Variants in HEATR5A observed in about 807,000 individuals in gnomAD.
HEATR5A encodes the protein HEAT repeat-containing protein 5A.
In HEATR5A, 178 loss-of-function variants were observed where a neutral mutation model predicts 218.8. The observed-to-expected ratio is 0.81, with a 90% CI of 0.72 to 0.92. The LOEUF is 0.92. Among genes scored for constraint, HEATR5A ranks in the 40% least tolerant of loss-of-function variants. The probability of loss-of-function intolerance (pLI) is 0.00; values close to 1 mark genes in which losing one functional copy is unlikely to be tolerated. For missense variants in HEATR5A, 2,420 were observed against 2,418.9 expected, an observed-to-expected ratio of 1.00 and a Z score of -0.01; for synonymous variants, 864 against 871.6, an observed-to-expected ratio of 0.99 and a Z score of 0.15.
intron 28 of HEATR5A, among the ~76,000 whole-genome samples, chr14:31,311,877 A>G (rs1899766902): frequency 6.6e-6 from 1 of 152,178 alleles, no homozygotes; most frequent in African/African-American, 2.4e-5. Context: ...TTATATCCTA[A>G]TGTGATCTGT....
chr14:31,373,870 G>A (rs1902128319), intron 12 of HEATR5A, among the ~76,000 whole-genome samples: 1 of 152,070 alleles, frequency 6.6e-6, no homozygotes, highest in South Asian at 2.1e-4. Context: ...ACATAAAGAT[G>A]ATGAGGATGA....
intron 1 of HEATR5A, among the ~76,000 whole-genome samples, chr14:31,416,213 G>C (rs539485878): frequency 5.5e-4 from 83 of 152,154 alleles, no homozygotes; most frequent in Middle Eastern, 3.4e-3. Flanking sequence ...CACCTCTCGA[G>C]TTTAAGCAAT....
chr14:31,335,232 T>A (rs1463101168), intron 22 of HEATR5A, among the ~76,000 whole-genome samples: 1 of 152,162 alleles, frequency 6.6e-6, no homozygotes, highest in Non-Finnish European at 1.5e-5. Context: ...AACAAAAAAA[T>A]TCCTGACTTG....
At position 31,349,917 on chromosome 14, in the gene HEATR5A, TA is replaced by T; in HGVS notation, c.2579del (p.Leu860Ter). The T allele has an allele frequency of 1.2e-6, 2 of 1,610,902 alleles. No individual in the cohort carries two copies. Among genetic ancestry groups the T allele is most frequent in the Non-Finnish European group, 8.5e-7 (1 of 1,178,336 alleles). ...TGGGGCTTTCTAGGGCTCCCATAAC[TA>T]ATGTTAAGGCAAATCTTTTCATTTC... Reference protein sequence around the residue: ...PEEMKRFALTLVMGALESPNP... With the variant: ...PEEMKRFALTXVMGALESPNP... On this transcript the variant is annotated frameshift_variant, in exon 18 of 36. Coordinates refer to ENST00000543095, the MANE Select transcript of HEATR5A (RefSeq NM_015473.4). LOFTEE classifies it high-confidence loss of function.
At chr14:31,337,333 T>C (rs1595112104) in intron 22 of HEATR5A, 143 bp downstream of exon 22, 1 of 674,620 alleles carries the variant, frequency 1.5e-6, no homozygotes, top group South Asian at 2.3e-5. Context: ...ACATCACTGG[T>C]TGGAATAACT....
At chr14:31,311,513 G>T (rs1899751771) in intron 28 of HEATR5A, among the ~76,000 whole-genome samples, 1 of 151,932 alleles carries the variant, frequency 6.6e-6, no homozygotes, top group South Asian at 2.1e-4. Flanking sequence ...CTGGGCTCAT[G>T]AGATCTTCCC....
In HEATR5A at chr14:31,349,986, T is replaced by TA. The variant is rs1901164876; in HGVS notation, c.2518-8dup. 6.5e-7 allele frequency: 1 copy of TA among 1,540,784 alleles called. No homozygotes were observed. Among genetic ancestry groups the TA allele is most frequent in the Non-Finnish European group, 8.8e-7 (1 of 1,141,966 alleles). ...CCTTGGAGCCAGCCACGTACTGAAA[T>TA]ATGTAAAGAACAACCCAAACTTACA... On this transcript the variant is annotated splice_region_variant and splice_polypyrimidine_tract_variant and intron_variant, in intron 17 of 35. Coordinates refer to ENST00000543095, the MANE Select transcript of HEATR5A (RefSeq NM_015473.4).
rs1288303444 is a variant in HEATR5A at position 31,292,439 on chromosome 14, C to A, written c.*866G>T. 1 of 152,174 alleles carries A rather than the reference C, an allele frequency of 6.6e-6. No homozygotes were observed. Among genetic ancestry groups the A allele is most frequent in the African/African-American group, 2.4e-5 (1 of 41,450 alleles). The allele number at this position is 152,174 out of a possible 1,614,324, so 9.4% of individuals were successfully genotyped here. The stretch of plus-strand genomic sequence containing the variant: ...GAAAACCATGATATAGACACCAAAT[C>A]TTATGTTGCACTGTAAGGCTGTAAG... On this transcript the variant is annotated 3_prime_UTR_variant, in exon 36 of 36. Transcript: ENST00000543095.
At chr14:31,321,437 T>C in intron 25 of HEATR5A, 62 bp downstream of exon 25, 1 of 1,336,336 alleles carries the variant, frequency 7.5e-7, no homozygotes, top group Non-Finnish European at 1.0e-6. Flanking sequence ...CCACCATGCC[T>C]GGCCTCATAG....
chr14:31,352,496 C>A (rs1901267546), intron 16 of HEATR5A, among the ~76,000 whole-genome samples: 1 of 152,106 alleles, frequency 6.6e-6, no homozygotes, highest in South Asian at 2.1e-4. Context: ...GGCTACAAGG[C>A]AAGCTGTCCT....
chr14:31,339,216 G>A (rs1021511810), intron 21 of HEATR5A, among the ~76,000 whole-genome samples: 3 of 151,522 alleles, frequency 2.0e-5, no homozygotes, highest in Non-Finnish European at 2.9e-5. Context: ...AAGGGAGGCC[G>A]AGGCAGGTGG....
chr14:31,404,783 G>A (rs1171574221), intron 1 of HEATR5A, among the ~76,000 whole-genome samples: 1 of 152,066 alleles, frequency 6.6e-6, no homozygotes, highest in South Asian at 2.1e-4. Flanking sequence ...GCATGGTGGC[G>A]CGTGCCTGTA....
chr14:31,374,753 T>G, intron 12 of HEATR5A, 63 bp downstream of exon 12: 10 of 1,467,396 alleles, frequency 6.8e-6, no homozygotes, highest in Non-Finnish European at 7.4e-6. Flanking sequence ...CAAGTACATG[T>G]TAAAGACAAA....
Position 31,387,332 on chromosome 14 carries a change from T to C in HEATR5A, c.977A>G (p.Glu326Gly). 6.2e-7 allele frequency: 1 copy of C among 1,613,880 alleles called. No homozygotes were observed. The highest frequency in any genetic ancestry group is 8.5e-7 in the Non-Finnish European group (1 of 1,179,778). ...FVSTLGGAWL[E>G]KNFAAFFSHI... ...AGAAAAAAAGGCAGCAAAATTTTTC[T>C]CTAGCCAAGCTCCTCCTAGTGTTGA... The change falls in exon 8 of 36, where the codon GAG becomes GGG. Residue 326 changes from glutamate (E) to glycine (G), a missense_variant. Glu to Gly is a moderately conservative substitution (Grantham distance 98, BLOSUM62 -2). Transcript: ENST00000543095.
At chr14:31,370,308 TA>T (rs1215070666) in intron 13 of HEATR5A, among the ~76,000 whole-genome samples, 4 of 151,150 alleles carry the variant, frequency 2.6e-5, no homozygotes, top group Non-Finnish European at 5.9e-5. Context: ...TATGAATGAA[TA>T]GGCATTTTAT....
intron 10 of HEATR5A, among the ~76,000 whole-genome samples, chr14:31,381,553 C>A (rs2029983276): frequency 1.4e-5 from 1 of 72,698 alleles, no homozygotes; most frequent in Non-Finnish European, 2.6e-5. Context: ...GACCATGTCT[C>A]CTTGGAAAAA....
At chr14:31,344,265 A>ATTTTTTTTTTTTT (rs1245011736) in intron 20 of HEATR5A, among the ~76,000 whole-genome samples, 200 bp from the exon 21 acceptor site, 5 of 54,922 alleles carry the variant, frequency 9.1e-5, no homozygotes, top group Non-Finnish European at 2.3e-4. Context: ...TAGATTAGTT[A>ATTTTTTTTTTTTT]TTCTTTTTTT....
At chr14:31,298,000 A>C (rs76035008) in intron 33 of HEATR5A, among the ~76,000 whole-genome samples, 2,081 of 152,340 alleles carry the variant, frequency 0.014, 18 homozygotes, top group Non-Finnish European at 0.023. Context: ...TCAGCAAGAT[A>C]AAGTTCTCCT....
intron 9 of HEATR5A, 58 bp from the exon 10 acceptor site, chr14:31,383,829 A>G: frequency 1.4e-6 from 2 of 1,417,092 alleles, no homozygotes; most frequent in Non-Finnish European, 1.9e-6. Context: ...CTGACCATAA[A>G]ATAGTCAAAA....
Sources: gnomAD v4.1 joint callset for allele counts (sites outside exome capture counted in the v4.1 genomes callset) on GRCh38, gnomAD v4.1.1 for gene constraint, MANE v1.5 for transcripts, NCBI Gene and HGNC (gene_info 2026-07-23, HGNC 2026-07-21) for gene names.